Variants in PLG observed in about 807,000 individuals in gnomAD.
PLG encodes plasmin.
In PLG, 41 loss-of-function variants were observed where a neutral mutation model predicts 104.4. That is an observed-to-expected ratio of 0.39 (90% CI 0.31 to 0.51). The LOEUF (loss-of-function observed/expected upper bound fraction) is 0.51, where lower values mean the gene tolerates loss of function less well. Ranked by LOEUF, PLG falls within the 20% of genes least tolerant of loss-of-function variation. The pLI is 0.76. For missense variants in PLG, 891 were observed against 1,003.6 expected, an observed-to-expected ratio of 0.89 and a Z score of 1.52; for synonymous variants, 337 against 357.1, an observed-to-expected ratio of 0.94 and a Z score of 0.63.
Position 160,737,919 on chromosome 6 carries a change from A to G in PLG, c.1803-619A>G, listed in dbSNP as rs1778114293. Reference sequence around the variant, plus strand: ...TATGTGGTGGTCTACGTCCTCACTGACTTATCAACATGCTACCATCATGCA... The same window carrying G: ...TATGTGGTGGTCTACGTCCTCACTGGCTTATCAACATGCTACCATCATGCA... On this transcript the variant is annotated intron_variant, in intron 14 of 18. Transcript: ENST00000308192. This position sits in a 1 kb window ranked among gnomAD's most constrained non-coding sequence, Gnocchi z 4.7. 3.3e-5 allele frequency among the ~76,000 whole-genome samples: 5 copies of G among 152,124 alleles called. No individual in the cohort carries two copies. In the South Asian group the frequency reaches 1.0e-3, roughly 32 times the overall value.
chr6:160,702,835 C>A (rs1582927751), intron 1 of PLG, among the ~76,000 whole-genome samples: 1 of 152,294 alleles, frequency 6.6e-6, no homozygotes, highest in East Asian at 1.9e-4. Flanking sequence ...TTTGTTATGG[C>A]CTGAGGAAGG....
Position 160,752,853 on chromosome 6 carries a change from G to C in PLG, c.2272-47G>C. On this transcript the variant is annotated intron_variant, in intron 18 of 18. Coordinates refer to ENST00000308192, the MANE Select transcript of PLG (RefSeq NM_000301.5). This position sits in a 1 kb window ranked among gnomAD's most constrained non-coding sequence, Gnocchi z 4.7. ...AGAAGGATGGCATCCCATAATAAAA[G>C]GCAGGCAGCCTAACCCTCACATGCA... is the stretch of plus-strand genomic sequence containing the variant. The C allele has an allele frequency of 1.3e-6, 2 of 1,598,148 alleles. No homozygotes were observed. The highest frequency in any genetic ancestry group is 1.7e-6 in the Non-Finnish European group (2 of 1,165,538).
chr6:160,723,716 G>A lies in PLG; in HGVS notation c.1256+1149G>A, dbSNP rs962538267. Among the ~76,000 whole-genome samples, 1 of 152,130 alleles carries A rather than the reference G, an allele frequency of 6.6e-6. No homozygotes were observed. Among genetic ancestry groups the A allele is most frequent in the African/African-American group, 2.4e-5 (1 of 41,424 alleles). ...GGGAGAGGTTCCAGAGAGAAAATAG[G>A]ATAAAGAACAGCTACTGGGGAAAGA... On this transcript the variant is annotated intron_variant, in intron 10 of 18. Coordinates refer to ENST00000308192, the MANE Select transcript of PLG (RefSeq NM_000301.5). The surrounding 1 kb of genome is among the most constrained non-coding windows in gnomAD (Gnocchi z 4.7).
chr6:160,753,369 ATT>A lies in PLG; in HGVS notation c.*310_*311del. The A allele has an allele frequency of 2.4e-6, 1 of 417,798 alleles. No individual in the cohort carries two copies. Among genetic ancestry groups the A allele is most frequent in the South Asian group, 2.1e-5 (1 of 47,442 alleles). 25.9% of individuals were successfully genotyped at this position (417,798 alleles called of 1,614,324 possible). ...AATTTTTAAATGGGCAGATGGGGGG[ATT>A]TAGCTGCTTTTGATAAGGAACAGCT... is the stretch of plus-strand genomic sequence containing the variant. On this transcript the variant is annotated 3_prime_UTR_variant, in exon 19 of 19. Coordinates refer to ENST00000308192, the MANE Select transcript of PLG (RefSeq NM_000301.5). This position sits in a 1 kb window ranked among gnomAD's most constrained non-coding sequence, Gnocchi z 5.4.
intron 3 of PLG, 35 bp downstream of exon 3, chr6:160,707,841 C>T: frequency 7.6e-7 from 1 of 1,308,960 alleles, no homozygotes; most frequent in Non-Finnish European, 1.1e-6. Flanking sequence ...TCCTACTGTC[C>T]TCCCCATCCT....
chr6:160,743,050 TG>T (rs1778222553), intron 17 of PLG, among the ~76,000 whole-genome samples: 1 of 151,494 alleles, frequency 6.6e-6, no homozygotes, highest in Non-Finnish European at 1.5e-5. Context: ...ATGCTGTTTT[TG>T]TTACTGTAGC....
Position 160,712,910 on chromosome 6 carries a change from G to A in PLG, c.408-76G>A, listed in dbSNP as rs961786614. ...TGACAATCTCAGATGGGAATCGAGA[G>A]CATCTCCTTCTGCCTTGCTAATAGC... On this transcript the variant is annotated intron_variant, in intron 4 of 18. Coordinates refer to ENST00000308192, the MANE Select transcript of PLG (RefSeq NM_000301.5). 7.6e-6 allele frequency: 8 copies of A among 1,059,532 alleles called. No individual in the cohort carries two copies. In the African/African-American group the frequency reaches 9.3e-5, roughly 12 times the overall value. 65.6% of individuals were successfully genotyped at this position (1,059,532 alleles called of 1,614,324 possible).
intron 17 of PLG, among the ~76,000 whole-genome samples, chr6:160,745,227 ATCTG>A (rs1184920931): frequency 2.6e-5 from 4 of 152,138 alleles, no homozygotes; most frequent in South Asian, 2.1e-4. Flanking sequence ...TGCCTCGATG[ATCTG>A]TCTAATACTG....
At position 160,738,979 on chromosome 6, in the gene PLG, T is replaced by A; in HGVS notation, c.1878-89T>A. 6.7e-7 allele frequency: 1 copy of A among 1,489,194 alleles called. No individual in the cohort carries two copies. Among genetic ancestry groups the A allele is most frequent in the Non-Finnish European group, 9.4e-7 (1 of 1,067,936 alleles). The allele number at this position is 1,489,194 out of a possible 1,614,324, so 92.2% of individuals were successfully genotyped here. A position where few individuals can be genotyped will look rare whatever the true frequency, so the allele number is the denominator to read the frequency against. ...GTCACTAATTCTGAGTGGCCAAGGG[T>A]GTCAGGGAGACAGCACCAATTTCAT... On this transcript the variant is annotated intron_variant, in intron 15 of 18. Coordinates refer to ENST00000308192, the MANE Select transcript of PLG (RefSeq NM_000301.5). The surrounding 1 kb of genome is among the most constrained non-coding windows in gnomAD (Gnocchi z 6.8).
intron 17 of PLG, among the ~76,000 whole-genome samples, chr6:160,745,279 G>A (rs555511210): frequency 6.6e-6 from 1 of 152,226 alleles, no homozygotes; most frequent in African/African-American, 2.4e-5. Flanking sequence ...TTATTTTGTG[G>A]GCGTCTAAGT....
Position 160,718,367 on chromosome 6 carries a change from G to A in PLG, c.861G>A (p.Val287=). ...KGTGENYRGN[V]AVTVSGHTCQ... ...CAGGTGAAAACTATCGCGGGAATGT[G>A]GCTGTTACCGTGTCCGGGCACACCT... Residue 287 remains valine (V), a synonymous_variant, in exon 8 of 19, where the codon GTG becomes GTA. Transcript: ENST00000308192. 6.2e-7 allele frequency: 1 copy of A among 1,613,400 alleles called. No homozygotes were observed.
In PLG at chr6:160,719,516, T is replaced by C. The variant is rs1777796490; in HGVS notation, c.1096+678T>C. Among the ~76,000 whole-genome samples, 1 of 152,206 alleles carries C rather than the reference T, an allele frequency of 6.6e-6. No homozygotes were observed. The highest frequency in any genetic ancestry group is 2.4e-5 in the African/African-American group (1 of 41,466). On this transcript the variant is annotated intron_variant, in intron 9 of 18. Transcript: ENST00000308192. This position sits in a 1 kb window ranked among gnomAD's most constrained non-coding sequence, Gnocchi z 4.1. ...GAGATGTTCAAACCATTTGCATTCATGCAATTGTTAATAGAGTTGAATTTA... is the reference window on the plus strand; with the variant it reads ...GAGATGTTCAAACCATTTGCATTCACGCAATTGTTAATAGAGTTGAATTTA...
At chr6:160,749,241 A>T (rs1314428076) in intron 17 of PLG, among the ~76,000 whole-genome samples, 1 of 152,150 alleles carries the variant, frequency 6.6e-6, no homozygotes, top group Non-Finnish European at 1.5e-5. Context: ...GAGGATTAAG[A>T]TTATGCCTCA....
In PLG at chr6:160,712,995, T is replaced by C. The variant is rs374989402; in HGVS notation, c.417T>C (p.Pro139=). The change falls in exon 5 of 19, where the codon CCT becomes CCC. Residue 139 remains proline (P), a synonymous_variant. Coordinates refer to ENST00000308192, the MANE Select transcript of PLG (RefSeq NM_000301.5). ...TTTCCATCCTCCCCAGATTCTCACC[T>C]GCTACACACCCCTCAGAGGGACTGG... The part of the protein sequence containing the change: ...STSPHRPRFS[P]ATHPSEGLEE... The C allele has an allele frequency of 1.1e-5, 18 of 1,610,558 alleles. No individual in the cohort carries two copies. In the African/African-American group the frequency reaches 1.9e-4, roughly 17 times the overall value.
chr6:160,726,455 CT>C lies in PLG; in HGVS notation c.1256+3891del, dbSNP rs763047406. Reference sequence around the variant, plus strand: ...TTTTAGGGTTTTATAACTTTAAATGCTTTCAGTAGAAAATAGAAACATGTAA... The same window carrying C: ...TTTTAGGGTTTTATAACTTTAAATGCTTCAGTAGAAAATAGAAACATGTAA... On this transcript the variant is annotated intron_variant, in intron 10 of 18. Coordinates refer to ENST00000308192, the MANE Select transcript of PLG (RefSeq NM_000301.5). The surrounding 1 kb of genome is among the most constrained non-coding windows in gnomAD (Gnocchi z 4.4). Among the ~76,000 whole-genome samples the C allele has an allele frequency of 2.6e-5, 4 of 151,942 alleles. No homozygotes were observed. The highest frequency in any genetic ancestry group is 5.9e-5 in the Non-Finnish European group (4 of 67,904).
At chr6:160,714,293 G>A (rs1427285953) in intron 5 of PLG, among the ~76,000 whole-genome samples, 1 of 152,144 alleles carries the variant, frequency 6.6e-6, no homozygotes, top group Admixed American at 6.5e-5. Context: ...TCTCCCTGAG[G>A]CCATGAGCAT....
At chr6:160,733,543 T>A (rs375866535) in intron 12 of PLG, among the ~76,000 whole-genome samples, 16 of 151,166 alleles carry the variant, frequency 1.1e-4, no homozygotes, top group African/African-American at 3.2e-4. Flanking sequence ...ATAATAATAA[T>A]AGAAAGGAAG....
chr6:160,708,966 AT>A (rs200356805), intron 3 of PLG, among the ~76,000 whole-genome samples: 3 of 135,668 alleles, frequency 2.2e-5, no homozygotes, highest in African/African-American at 8.1e-5. Flanking sequence ...ATTGTACCAG[AT>A]TTTAAAAAAA....
In PLG at chr6:160,736,022, T is replaced by G. The variant is rs1778079155; in HGVS notation, c.1682-865T>G. ...TGGTTGGTTGGGAAGGAATTTCCTC[T>G]TACAGTTGTTACTAATAATTGTATG... On this transcript the variant is annotated intron_variant, in intron 13 of 18. Coordinates refer to ENST00000308192, the MANE Select transcript of PLG (RefSeq NM_000301.5). The surrounding 1 kb of genome is among the most constrained non-coding windows in gnomAD (Gnocchi z 5.2). 6.6e-6 allele frequency among the ~76,000 whole-genome samples: 1 copy of G among 152,248 alleles called. No individual in the cohort carries two copies. The highest frequency in any genetic ancestry group is 2.1e-4 in the South Asian group (1 of 4,830).
Sources: allele counts gnomAD v4.1 joint callset (sites outside exome capture counted in the v4.1 genomes callset), GRCh38; gene constraint gnomAD v4.1.1; non-coding constraint Gnocchi (gnomAD v3.1); transcripts MANE v1.5; gene names NCBI Gene and HGNC (gene_info 2026-07-23, HGNC 2026-07-21).